TENM4: variants seen among roughly 807,000 people sequenced by gnomAD.
The protein encoded by TENM4 is teneurin transmembrane protein 4, also known as teneurin-4.
TENM4 carries 82 observed loss-of-function variants against 243.3 expected under a neutral mutation model. That is an observed-to-expected ratio of 0.34 (90% CI 0.28 to 0.40). The LOEUF is 0.40. Among genes scored for constraint, TENM4 ranks in the 10% least tolerant of loss-of-function variants. The pLI is 1.00. For missense variants in TENM4, 3,138 were observed against 3,673.3 expected (o/e 0.85, Z 3.77); for synonymous variants, 1,412 against 1,456.3 (o/e 0.97, Z 0.69).
chr11:79,265,796 C>G (rs970674748), intron 2 of TENM4, among the ~76,000 whole-genome samples: 2 of 152,088 alleles, frequency 1.3e-5, no homozygotes, highest in African/African-American at 4.8e-5. Flanking sequence ...GATTAAAAAC[C>G]TAGTCCTTCT....
intron 4 of TENM4, among the ~76,000 whole-genome samples, chr11:79,142,006 A>G (rs191579192): frequency 1.3e-5 from 2 of 152,236 alleles, no homozygotes; most frequent in East Asian, 3.9e-4. Context: ...TAAAAGCCAT[A>G]TGTAACAGAT....
At chr11:79,175,039 C>T (rs1365598501) in intron 3 of TENM4, among the ~76,000 whole-genome samples, 1 of 152,108 alleles carries the variant, frequency 6.6e-6, no homozygotes, top group African/African-American at 2.4e-5. Context: ...CTTTATTTGA[C>T]TTCAAATAGA....
At chr11:79,251,196 A>G (rs1242682618) in intron 2 of TENM4, among the ~76,000 whole-genome samples, 1 of 152,222 alleles carries the variant, frequency 6.6e-6, no homozygotes, top group East Asian at 1.9e-4. Context: ...CATGTGAGGC[A>G]GAGTTGAAAC....
At chr11:79,343,655 T>A (rs1857278442) in intron 1 of TENM4, among the ~76,000 whole-genome samples, 1 of 146,376 alleles carries the variant, frequency 6.8e-6, no homozygotes. Context: ...TAGCTAAGTT[T>A]AAAAAAAAAA....
rs570961905 is a variant in TENM4, at chr11:79,293,489, A to G, written c.-265+3999T>C. On this transcript the variant is annotated intron_variant, in intron 2 of 33. Transcript: ENST00000278550. Reference sequence around the variant, plus strand: ...ATTATTGTGCTCCAGCCTGGGTGACAGAGCAAAACACTGTCCCTTAAAAAA... The same window carrying G: ...ATTATTGTGCTCCAGCCTGGGTGACGGAGCAAAACACTGTCCCTTAAAAAA... Among the ~76,000 whole-genome samples the G allele has an allele frequency of 2.7e-5, 4 of 150,658 alleles. No individual in the cohort carries two copies. In the South Asian group the frequency reaches 6.4e-4, roughly 24 times the overall value.
intron 22 of TENM4, among the ~76,000 whole-genome samples, chr11:78,728,666 T>C (rs1472303824): frequency 6.6e-6 from 1 of 152,120 alleles, no homozygotes; most frequent in Non-Finnish European, 1.5e-5. Flanking sequence ...GGAATGAAAT[T>C]GGAGTGGGGT....
chr11:78,922,678 C>G (rs549073210), intron 6 of TENM4, among the ~76,000 whole-genome samples: 2 of 152,326 alleles, frequency 1.3e-5, no homozygotes, highest in African/African-American at 4.8e-5. Context: ...TCAAACACGT[C>G]AAACATGTGA....
Position 78,722,062 on chromosome 11 carries a change from G to C in TENM4, c.3800+606C>G, listed in dbSNP as rs533777521. On this transcript the variant is annotated intron_variant, in intron 24 of 33. Coordinates refer to ENST00000278550, the MANE Select transcript of TENM4 (RefSeq NM_001098816.3). ...TCTGCAGCACCTGAGGAGCAGAGAG[G>C]TCAGTTTTCTCGATATTGGTCAGTT... Among the ~76,000 whole-genome samples the C allele has an allele frequency of 9.2e-5, 14 of 152,264 alleles. No homozygotes were observed. The South Asian group carries it at 1.0e-3, about 11-fold the overall frequency.
intron 1 of TENM4, among the ~76,000 whole-genome samples, chr11:79,333,035 A>G (rs773067979): frequency 6.6e-5 from 10 of 152,176 alleles, no homozygotes; most frequent in Admixed American, 6.5e-5. Flanking sequence ...AACACCTCCA[A>G]GGCAGGAAGT....
At chr11:79,032,217 A>G (rs1250519641) in intron 6 of TENM4, among the ~76,000 whole-genome samples, 7 of 152,162 alleles carry the variant, frequency 4.6e-5, no homozygotes, top group Non-Finnish European at 8.8e-5. Flanking sequence ...AACACAATCC[A>G]TTGTACAGTC....
intron 29 of TENM4, among the ~76,000 whole-genome samples, chr11:78,686,460 G>A (rs924820714): frequency 6.6e-6 from 1 of 151,238 alleles, no homozygotes; most frequent in African/African-American, 2.4e-5. Context: ...CAAAGAAGCA[G>A]TCATGAAAAT....
chr11:79,193,692 T>A (rs1396879846), intron 3 of TENM4, among the ~76,000 whole-genome samples: 1 of 152,174 alleles, frequency 6.6e-6, no homozygotes, highest in Non-Finnish European at 1.5e-5. Flanking sequence ...AGGGACACGG[T>A]GGCCTCACTC....
chr11:78,662,098 T>C (rs1037565889), intron 32 of TENM4, among the ~76,000 whole-genome samples: 13 of 152,180 alleles, frequency 8.5e-5, no homozygotes, highest in Non-Finnish European at 1.8e-4. Flanking sequence ...GTTACAGAGA[T>C]GGCCTAGGCT....
chr11:78,834,601 A>C (rs957686537), intron 12 of TENM4, among the ~76,000 whole-genome samples: 5 of 152,128 alleles, frequency 3.3e-5, no homozygotes, highest in Admixed American at 2.6e-4. Context: ...CCTTCCTTAT[A>C]GAGGAGATAT....
chr11:78,711,701 G>A (rs1341346545), intron 26 of TENM4, among the ~76,000 whole-genome samples: 1 of 152,080 alleles, frequency 6.6e-6, no homozygotes, highest in African/African-American at 2.4e-5. Context: ...GCAACACAGT[G>A]AACACTCCAC....
chr11:78,770,752 T>C (rs941010954), intron 18 of TENM4, among the ~76,000 whole-genome samples: 9 of 152,274 alleles, frequency 5.9e-5, no homozygotes, highest in South Asian at 2.1e-4. Flanking sequence ...TTCTCTTCTA[T>C]AGTGGCTGCT....
intron 19 of TENM4, among the ~76,000 whole-genome samples, chr11:78,743,882 G>A (rs766094157): frequency 6.6e-6 from 1 of 152,146 alleles, no homozygotes; most frequent in Non-Finnish European, 1.5e-5. Flanking sequence ...TTCAGGAGAC[G>A]GGAATATCAT....
chr11:79,082,426 C>T (rs757740461), intron 4 of TENM4, among the ~76,000 whole-genome samples: 3 of 152,114 alleles, frequency 2.0e-5, no homozygotes, highest in Non-Finnish European at 2.9e-5. Context: ...GGCAGTCAGC[C>T]GCATCCCAGC....
intron 6 of TENM4, among the ~76,000 whole-genome samples, chr11:78,904,359 C>CAAAAAAAAAAAAAAAAAAAAAAAAA (rs61503457): frequency 5.2e-5 from 4 of 77,260 alleles, no homozygotes; most frequent in Admixed American, 1.3e-4. Context: ...GACTCTGTCT[C>CAAAAAAAAAAAAAAAAAAAAAAAAA]AAAAAAAAAA....
Sources: gnomAD v4.1 joint callset for allele counts (sites outside exome capture counted in the v4.1 genomes callset) on GRCh38, gnomAD v4.1.1 for gene constraint, MANE v1.5 for transcripts, NCBI Gene and HGNC (gene_info 2026-07-23, HGNC 2026-07-21) for gene names.